The following RALGAPA1 variants were observed in gnomAD, a reference collection of about 807,000 sequenced individuals.
RALGAPA1 encodes ral GTPase-activating protein subunit alpha-1.
RALGAPA1 carries 52 observed loss-of-function variants against 269.6 expected under a neutral mutation model. That is an observed-to-expected ratio of 0.19 (90% CI 0.15 to 0.24). The LOEUF is 0.24. RALGAPA1 is among the 10% of genes least tolerant of loss of function. The pLI is 1.00. For synonymous variants in RALGAPA1, 817 were observed against 1,008.3 expected (o/e 0.81, Z 3.60); for missense variants, 1,917 against 3,013.9 (o/e 0.64, Z 8.52).
chr14:35,609,324 A>G (rs2059783218), intron 35 of RALGAPA1, among the ~76,000 whole-genome samples: 1 of 152,196 alleles, frequency 6.6e-6, no homozygotes, highest in South Asian at 2.1e-4. Flanking sequence ...ATGGAATGAA[A>G]GTAGAAATCA....
chr14:35,611,851 T>C (rs2059956402), intron 35 of RALGAPA1, among the ~76,000 whole-genome samples: 1 of 152,152 alleles, frequency 6.6e-6, no homozygotes, highest in Non-Finnish European at 1.5e-5. Context: ...TGAAAAAGAA[T>C]AGAATTGGAG....
chr14:35,543,020 A>G (rs2139002180), intron 41 of RALGAPA1, among the ~76,000 whole-genome samples: 1 of 152,342 alleles, frequency 6.6e-6, no homozygotes, highest in East Asian at 1.9e-4. Flanking sequence ...ATATAGCCCT[A>G]TAAAATATTA....
At chr14:35,671,324 A>G (rs1219402672) in intron 26 of RALGAPA1, 65 bp downstream of exon 26, 3 of 1,391,474 alleles carry the variant, frequency 2.2e-6, no homozygotes, top group Non-Finnish European at 2.9e-6. Flanking sequence ...GTTATGTTTT[A>G]TCAACTTTGT....
chr14:35,591,087 T>C (rs912271078), intron 37 of RALGAPA1, among the ~76,000 whole-genome samples: 5 of 152,336 alleles, frequency 3.3e-5, no homozygotes, highest in Admixed American at 1.3e-4. Context: ...GGTATCTCTG[T>C]AGCTACAATG....
chr14:35,633,905 G>A (rs2061504558), intron 33 of RALGAPA1, among the ~76,000 whole-genome samples: 1 of 152,060 alleles, frequency 6.6e-6, no homozygotes, highest in Non-Finnish European at 1.5e-5. Context: ...GCTTAAAAAT[G>A]TTACTGAGTT....
chr14:35,575,613 A>G (rs1405895812), intron 37 of RALGAPA1, among the ~76,000 whole-genome samples: 1 of 152,064 alleles, frequency 6.6e-6, no homozygotes, highest in African/African-American at 2.4e-5. Flanking sequence ...ATTTATTTTG[A>G]GATGGAGTTT....
intron 35 of RALGAPA1, among the ~76,000 whole-genome samples, chr14:35,621,595 A>G (rs751155558): frequency 1.3e-5 from 2 of 152,210 alleles, no homozygotes; most frequent in African/African-American, 4.8e-5. Context: ...AATGGAAGAA[A>G]ATTTTTGCAA....
intron 33 of RALGAPA1, among the ~76,000 whole-genome samples, chr14:35,633,700 A>T (rs903149565): frequency 2.6e-5 from 4 of 152,200 alleles, no homozygotes; most frequent in Admixed American, 2.6e-4. Flanking sequence ...TACTATTATC[A>T]AAAGTGCTCT....
chr14:35,801,880 A>G (rs949439765), intron 1 of RALGAPA1, among the ~76,000 whole-genome samples: 1 of 152,224 alleles, frequency 6.6e-6, no homozygotes, highest in Admixed American at 6.5e-5. Flanking sequence ...CTTCTAATCT[A>G]TGTCACATTG....
chr14:35,621,205 C>T lies in RALGAPA1; in HGVS notation c.6929+4156G>A, dbSNP rs141191838. On this transcript the variant is annotated intron_variant, in intron 35 of 41. Transcript: ENST00000680220. ...CAGAACAGAGCCCTCAGAAATAATACCACACATCTACGACCATCTAATCTT... is the reference window on the plus strand; with the variant it reads ...CAGAACAGAGCCCTCAGAAATAATATCACACATCTACGACCATCTAATCTT... Among the ~76,000 whole-genome samples, 119 of 152,166 alleles carry T rather than the reference C, an allele frequency of 7.8e-4. No individual in the cohort carries two copies. The East Asian group carries it at 0.017, about 21-fold the overall frequency.
chr14:35,725,253 T>C, intron 13 of RALGAPA1, 100 bp from the exon 14 acceptor site: 3 of 759,152 alleles, frequency 4.0e-6, no homozygotes, highest in Admixed American at 3.2e-5. Context: ...AATTCAAATA[T>C]TAAACATCTT....
intron 4 of RALGAPA1, chr14:35,766,270 G>T (rs986848489): frequency 2.4e-6 from 2 of 820,498 alleles, no homozygotes. Context: ...ATTGTCTTGG[G>T]TGTACTGGCT....
At chr14:35,558,435 A>G (rs1455824596) in intron 39 of RALGAPA1, among the ~76,000 whole-genome samples, 1 of 152,220 alleles carries the variant, frequency 6.6e-6, no homozygotes, top group Admixed American at 6.5e-5. Flanking sequence ...CCTCAATTAA[A>G]TTATGAAGAT....
chr14:35,752,026 A>C lies in RALGAPA1; in HGVS notation c.800T>G (p.Leu267Arg). Residue 267 changes from leucine (L) to arginine (R), a missense_variant and splice_region_variant, in exon 8 of 42, where the codon CTT (leucine) becomes CGT (arginine). Physicochemically the swap from Leu to Arg is moderately radical, Grantham distance 102. Coordinates refer to ENST00000680220, the MANE Select transcript of RALGAPA1 (RefSeq NM_001346249.2). ...AGAAAATTTCAAACATTACCTACCAAGTATAGGATGATATAAACTGTTTTC... is the reference window on the plus strand; with the variant it reads ...AGAAAATTTCAAACATTACCTACCACGTATAGGATGATATAAACTGTTTTC... ...CKENSLYHPI[L>R]DIPQMRPKPH... The C allele has an allele frequency of 6.3e-7, 1 of 1,575,956 alleles. No individual in the cohort carries two copies. The highest frequency in any genetic ancestry group is 1.2e-5 in the South Asian group (1 of 84,274).
At chr14:35,662,937 T>TG (rs34890691) in intron 27 of RALGAPA1, among the ~76,000 whole-genome samples, 2,920 of 76,070 alleles carry the variant, frequency 0.038, 91 homozygotes, top group African/African-American at 0.086. Context: ...TTTCCTTTTT[T>TG]GGGGGGGGGG....
intron 4 of RALGAPA1, 137 bp from the exon 5 acceptor site, chr14:35,762,890 T>G (rs1400454913): frequency 4.9e-6 from 3 of 607,956 alleles, no homozygotes; most frequent in Non-Finnish European, 8.9e-6. Flanking sequence ...TATATCCTTC[T>G]GCCATACTTG....
rs754912473 is a variant in RALGAPA1, at chr14:35,721,863, T to C, written c.2105-14A>G. ...CATGTCCAACTCCTGGAAATGTAGA[T>C]TTTCAATCTCAATATACTGTTACTT... On this transcript the variant is annotated splice_polypyrimidine_tract_variant and intron_variant, in intron 15 of 41. Coordinates refer to ENST00000680220, the MANE Select transcript of RALGAPA1 (RefSeq NM_001346249.2). The C allele has an allele frequency of 1.2e-5, 19 of 1,608,570 alleles. No homozygotes were observed. The highest frequency in any genetic ancestry group is 1.6e-5 in the Non-Finnish European group (19 of 1,175,210).
At chr14:35,561,973 G>A (rs1485230942) in intron 39 of RALGAPA1, among the ~76,000 whole-genome samples, 2 of 152,134 alleles carry the variant, frequency 1.3e-5, no homozygotes, top group Non-Finnish European at 2.9e-5. Flanking sequence ...ACAAAACCTG[G>A]ATCACTTAGC....
At chr14:35,777,509 A>T (rs2075125162) in intron 1 of RALGAPA1, among the ~76,000 whole-genome samples, 1 of 152,276 alleles carries the variant, frequency 6.6e-6, no homozygotes, top group East Asian at 1.9e-4. Flanking sequence ...TACTATTCCA[A>T]ATTGTTTACA....
Sources: allele counts gnomAD v4.1 joint callset (sites outside exome capture counted in the v4.1 genomes callset), GRCh38; gene constraint gnomAD v4.1.1; transcripts MANE v1.5; gene names NCBI Gene and HGNC (gene_info 2026-07-23, HGNC 2026-07-21).